AFAP1: variants seen among roughly 807,000 people sequenced by gnomAD.
AFAP1 encodes the protein actin filament associated protein 1, also known as actin filament-associated protein 1.
In AFAP1, 75 loss-of-function variants were observed where a neutral mutation model predicts 93.9. That is an observed-to-expected ratio of 0.80 (90% CI 0.66 to 0.97). The LOEUF (loss-of-function observed/expected upper bound fraction) is 0.97, where lower values mean the gene tolerates loss of function less well. Ranked by LOEUF, AFAP1 falls within the 50% of genes least tolerant of loss-of-function variation. The probability of loss-of-function intolerance (pLI) is 0.00; values close to 1 mark genes in which losing one functional copy is unlikely to be tolerated. For missense variants in AFAP1, 1,201 were observed against 1,050.8 expected, an observed-to-expected ratio of 1.14 and a Z score of -1.98; for synonymous variants, 517 against 430.7, an observed-to-expected ratio of 1.20 and a Z score of -2.48.
rs1354945842 is a variant in AFAP1 at position 7,781,402 on chromosome 4, T to G, written c.1756A>C (p.Arg586=). ...TGCGAGTTGAGCCCGAGAGACGCCC[T>G]CCCCACAGAAGAGGTATTAGTGACA... is the stretch of plus-strand genomic sequence containing the variant. The part of the protein sequence containing the change: ...QSVTNTSSVG[R]ASLGLNSQLK... The change falls in exon 13 of 18, where the codon AGG becomes CGG. Residue 586 remains arginine (R), a synonymous_variant. Transcript: ENST00000420658. 6.4e-7 allele frequency: 1 copy of G among 1,551,770 alleles called. No individual in the cohort carries two copies. Among genetic ancestry groups the G allele is most frequent in the South Asian group, 1.2e-5 (1 of 84,052 alleles).
At chr4:7,932,856 C>CA (rs967011865) in intron 1 of AFAP1, among the ~76,000 whole-genome samples, 14 of 151,888 alleles carry the variant, frequency 9.2e-5, no homozygotes, top group African/African-American at 3.4e-4. Flanking sequence ...CCTGTCTCTA[C>CA]AAAAAATACA....
At chr4:7,793,901 G>T in intron 10 of AFAP1, 75 bp from the exon 11 acceptor site, 1 of 1,381,830 alleles carries the variant, frequency 7.2e-7, no homozygotes, top group Non-Finnish European at 9.6e-7. Flanking sequence ...TCAATAAAGA[G>T]ACCACATAAT....
intron 1 of AFAP1, among the ~76,000 whole-genome samples, chr4:7,879,785 A>T (rs900211732): frequency 6.9e-6 from 1 of 145,224 alleles, no homozygotes; most frequent in Non-Finnish European, 1.5e-5. Context: ...CACACCTCAC[A>T]CTCCCAAACA....
At chr4:7,937,003 CAT>C (rs758928660) in intron 1 of AFAP1, among the ~76,000 whole-genome samples, 1 of 152,114 alleles carries the variant, frequency 6.6e-6, no homozygotes, top group Non-Finnish European at 1.5e-5. Flanking sequence ...TAGGTTGAAA[CAT>C]ACTTCACATG....
intron 3 of AFAP1, among the ~76,000 whole-genome samples, chr4:7,864,571 T>G (rs188447800): frequency 6.6e-6 from 1 of 152,164 alleles, no homozygotes; most frequent in Non-Finnish European, 1.5e-5. Flanking sequence ...CTGTTCTCTA[T>G]TCCCTCTGTA....
At chr4:7,908,732 G>A (rs1719562674) in intron 1 of AFAP1, among the ~76,000 whole-genome samples, 1 of 152,340 alleles carries the variant, frequency 6.6e-6, no homozygotes, top group South Asian at 2.1e-4. Context: ...ATTGATGAGA[G>A]AGCTAAGAAA....
At chr4:7,864,549 T>C (rs796827402) in intron 3 of AFAP1, among the ~76,000 whole-genome samples, 19 of 152,278 alleles carry the variant, frequency 1.2e-4, no homozygotes, top group African/African-American at 4.3e-4. Flanking sequence ...CCTTGACTCA[T>C]GGAGTTGACA....
At chr4:7,777,403 G>C (rs1716249188) in intron 14 of AFAP1, 1 of 152,234 alleles carries the variant, frequency 6.6e-6, no homozygotes, top group Admixed American at 6.5e-5. Flanking sequence ...CTTCCTTGGG[G>C]CAGACGCAGC....
chr4:7,890,240 C>A (rs1224460516), intron 1 of AFAP1, among the ~76,000 whole-genome samples: 1 of 152,108 alleles, frequency 6.6e-6, no homozygotes, highest in African/African-American at 2.4e-5. Context: ...AAACGGTCAA[C>A]TGACTTTTGA....
chr4:7,852,465 C>T (rs930563875), intron 4 of AFAP1, among the ~76,000 whole-genome samples: 2 of 152,134 alleles, frequency 1.3e-5, no homozygotes, highest in Non-Finnish European at 2.9e-5. Context: ...CACTACCCCA[C>T]AGTGGGAGTA....
chr4:7,808,107 A>C (rs949188053), intron 9 of AFAP1, among the ~76,000 whole-genome samples: 3 of 152,204 alleles, frequency 2.0e-5, no homozygotes, highest in African/African-American at 4.8e-5. Flanking sequence ...ATTCAAATAG[A>C]AGGAATGATG....
chr4:7,797,600 G>C (rs1361536770), intron 10 of AFAP1, among the ~76,000 whole-genome samples: 1 of 152,202 alleles, frequency 6.6e-6, no homozygotes, highest in Admixed American at 6.5e-5. Flanking sequence ...CGAGGCAGAG[G>C]GAGCAGGCTA....
At chr4:7,870,318 T>G (rs1193082695) in intron 2 of AFAP1, among the ~76,000 whole-genome samples, 1 of 152,200 alleles carries the variant, frequency 6.6e-6, no homozygotes, top group African/African-American at 2.4e-5. Flanking sequence ...AGGCAAAGGC[T>G]GACAGATCCA....
chr4:7,855,556 G>A lies in AFAP1; in HGVS notation c.244C>T (p.Pro82Ser). Residue 82 changes from proline (P) to serine (S), a missense_variant, in exon 4 of 18, where the codon CCA (proline) becomes TCA (serine). Physicochemically the swap from Pro to Ser is moderately conservative, Grantham distance 74 (BLOSUM62 -1). Transcript: ENST00000420658. ...QPWLPPDSGP[P>S]PLPTSSLPEG... Reference sequence around the variant, plus strand: ...GGGAGGGAGGATGTTGGCAATGGTGGAGGCCCACTGTCAGGAGGCTGAGGA... The same window carrying A: ...GGGAGGGAGGATGTTGGCAATGGTGAAGGCCCACTGTCAGGAGGCTGAGGA... 6.2e-7 allele frequency: 1 copy of A among 1,613,714 alleles called. No homozygotes were observed. The highest frequency in any genetic ancestry group is 8.5e-7 in the Non-Finnish European group (1 of 1,179,696).
chr4:7,924,377 T>C (rs950860166), intron 1 of AFAP1, among the ~76,000 whole-genome samples: 3 of 152,210 alleles, frequency 2.0e-5, no homozygotes, highest in African/African-American at 7.2e-5. Flanking sequence ...ACAAGATGTA[T>C]AGAGAACTGG....
chr4:7,812,104 C>T (rs1474512891), intron 8 of AFAP1, among the ~76,000 whole-genome samples: 1 of 152,144 alleles, frequency 6.6e-6, no homozygotes, highest in Non-Finnish European at 1.5e-5. Flanking sequence ...GTTACTTCAA[C>T]CAAACCAAGA....
At chr4:7,803,919 T>C (rs1320759287) in intron 9 of AFAP1, among the ~76,000 whole-genome samples, 1 of 151,840 alleles carries the variant, frequency 6.6e-6, no homozygotes, top group Non-Finnish European at 1.5e-5. Context: ...AAATCCACAG[T>C]CACCTGTCTG....
At chr4:7,876,332 T>C (rs1009147651) in intron 1 of AFAP1, among the ~76,000 whole-genome samples, 1 of 152,250 alleles carries the variant, frequency 6.6e-6, no homozygotes, top group Non-Finnish European at 1.5e-5. Flanking sequence ...GCCACTGCTA[T>C]ACTGCAAGGT....
At chr4:7,815,136 A>G (rs527538894) in intron 8 of AFAP1, among the ~76,000 whole-genome samples, 1 of 152,326 alleles carries the variant, frequency 6.6e-6, no homozygotes, top group East Asian at 1.9e-4. Flanking sequence ...ACATGGAACT[A>G]AGTGGAATAA....
Sources: allele counts gnomAD v4.1 joint callset (sites outside exome capture counted in the v4.1 genomes callset), GRCh38; gene constraint gnomAD v4.1.1; transcripts MANE v1.5; gene names NCBI Gene and HGNC (gene_info 2026-07-23, HGNC 2026-07-21).